The following KCNT2 variants were observed in gnomAD, a reference collection of about 807,000 sequenced individuals.
KCNT2 encodes potassium channel subfamily T member 2.
A neutral mutation model predicts 153.8 loss-of-function variants in KCNT2; 67 were observed. The observed-to-expected ratio is 0.44, with a 90% CI of 0.36 to 0.53. The LOEUF (loss-of-function observed/expected upper bound fraction) is 0.53. Among genes scored for constraint, KCNT2 ranks in the 20% least tolerant of loss-of-function variants. KCNT2 has a pLI of 0.00. For missense variants in KCNT2, 975 were observed against 1,354.8 expected (o/e 0.72, Z 4.40); for synonymous variants, 500 against 458.8 (o/e 1.09, Z -1.15).
chr1:196,526,056 T>TGTGA (rs1414546253), intron 1 of KCNT2, among the ~76,000 whole-genome samples: 2 of 148,912 alleles, frequency 1.3e-5, no homozygotes, highest in Admixed American at 6.7e-5. Context: ...TGTGTGTGTG[T>TGTGA]GAATCAGCAC....
intron 1 of KCNT2, among the ~76,000 whole-genome samples, chr1:196,521,069 A>G (rs1487298912): frequency 1.7e-4 from 26 of 152,012 alleles, no homozygotes; most frequent in African/African-American, 5.3e-4. Flanking sequence ...TCTAATATCT[A>G]TAGGGAATGT....
chr1:196,567,030 T>G (rs1660193296), intron 1 of KCNT2, among the ~76,000 whole-genome samples: 1 of 152,038 alleles, frequency 6.6e-6, no homozygotes, highest in African/African-American at 2.4e-5. Flanking sequence ...CACAAATAAA[T>G]GCAAGAATCA....
intron 12 of KCNT2, among the ~76,000 whole-genome samples, chr1:196,412,300 T>C (rs1395227234): frequency 6.6e-6 from 1 of 151,718 alleles, no homozygotes; most frequent in African/African-American, 2.4e-5. Flanking sequence ...TACTAGTAGA[T>C]AAGCTCCATG....
chr1:196,429,510 T>A, intron 9 of KCNT2, 67 bp downstream of exon 9: 1 of 1,032,194 alleles, frequency 9.7e-7, no homozygotes. Context: ...CCATTTCTTA[T>A]TAAATGTGGA....
rs189706351 is a variant in KCNT2, at chr1:196,384,872, C to T, written c.1295-11624G>A. On this transcript the variant is annotated intron_variant, in intron 13 of 27. Coordinates refer to ENST00000294725, the MANE Select transcript of KCNT2 (RefSeq NM_198503.5). ...GCCACTGGTTATCTTTTAGAAGTCTCGCATAACAACCTAATCTTCATTCCC... is the reference window on the plus strand; with the variant it reads ...GCCACTGGTTATCTTTTAGAAGTCTTGCATAACAACCTAATCTTCATTCCC... Among the ~76,000 whole-genome samples the T allele has an allele frequency of 6.8e-3, 1,034 of 152,152 alleles. 8 individuals carry two copies. The highest frequency in any genetic ancestry group is 0.012 in the Non-Finnish European group (835 of 67,992).
At position 196,350,231 on chromosome 1, in the gene KCNT2, A is replaced by G. The variant is rs1666543877; in HGVS notation, c.1404-8003T>C. Among the ~76,000 whole-genome samples the G allele has an allele frequency of 5.9e-5, 9 of 152,292 alleles. No individual in the cohort carries two copies. In the South Asian group the frequency reaches 1.9e-3, roughly 32 times the overall value. ...CTTTGGGTATATACCCAGTAATGAG[A>G]TGGCTGGGTCAAACGGTATTTCTAG... On this transcript the variant is annotated intron_variant, in intron 14 of 27. Coordinates refer to ENST00000294725, the MANE Select transcript of KCNT2 (RefSeq NM_198503.5).
At chr1:196,421,216 T>C (rs930859726) in intron 12 of KCNT2, among the ~76,000 whole-genome samples, 14 of 152,040 alleles carry the variant, frequency 9.2e-5, no homozygotes, top group Admixed American at 7.9e-4. Context: ...TAAATCTTCT[T>C]ACTCATTTCT....
intron 13 of KCNT2, among the ~76,000 whole-genome samples, chr1:196,381,952 T>C (rs1424355492): frequency 6.6e-6 from 1 of 152,100 alleles, no homozygotes; most frequent in African/African-American, 2.4e-5. Flanking sequence ...GAAGATTTAT[T>C]AGTAGCAAAT....
At chr1:196,390,812 A>G (rs1227730800) in intron 13 of KCNT2, among the ~76,000 whole-genome samples, 1 of 151,034 alleles carries the variant, frequency 6.6e-6, no homozygotes, top group Non-Finnish European at 1.5e-5. Context: ...GATTTGAGGT[A>G]ATGATAGTTT....
chr1:196,492,889 C>T (rs1679963120), intron 1 of KCNT2, among the ~76,000 whole-genome samples: 1 of 152,138 alleles, frequency 6.6e-6, no homozygotes, highest in African/African-American at 2.4e-5. Flanking sequence ...TACCTTCCTA[C>T]TTATGGATCA....
chr1:196,421,663 GT>G (rs1673213931), intron 12 of KCNT2, among the ~76,000 whole-genome samples: 1 of 151,988 alleles, frequency 6.6e-6, no homozygotes. Context: ...TATTTTAAAA[GT>G]TTTCCAATCA....
chr1:196,411,682 T>A (rs1362262867), intron 12 of KCNT2, among the ~76,000 whole-genome samples: 1 of 151,794 alleles, frequency 6.6e-6, no homozygotes, highest in Non-Finnish European at 1.5e-5. Context: ...AAATGGTTCA[T>A]TGTTAGTGCA....
chr1:196,387,240 C>T lies in KCNT2; in HGVS notation c.1294+11323G>A, dbSNP rs189857166. Among the ~76,000 whole-genome samples the T allele has an allele frequency of 5.1e-4, 78 of 152,018 alleles. 1 individual carries two copies. The highest frequency in any genetic ancestry group is 1.8e-3 in the African/African-American group (75 of 41,516). On this transcript the variant is annotated intron_variant, in intron 13 of 27. Transcript: ENST00000294725. ...CCTAATCTTATTTTTGCCTTGCCCC[C>T]ATTTCCTACTATCCTCTATCTTGGT...
intron 1 of KCNT2, among the ~76,000 whole-genome samples, chr1:196,586,721 A>T (rs1426662534): frequency 1.4e-5 from 2 of 143,634 alleles, no homozygotes; most frequent in South Asian, 4.2e-4. Context: ...AGGATTAAAA[A>T]AAACAACAAC....
chr1:196,599,048 A>G (rs1368050337), intron 1 of KCNT2, among the ~76,000 whole-genome samples: 2 of 152,248 alleles, frequency 1.3e-5, no homozygotes, highest in African/African-American at 4.8e-5. Flanking sequence ...TTGCCAATGT[A>G]ATCACCACAT....
intron 20 of KCNT2, 85 bp from the exon 21 acceptor site, chr1:196,316,111 T>A: frequency 7.9e-7 from 1 of 1,259,606 alleles, no homozygotes; most frequent in Non-Finnish European, 1.1e-6. Flanking sequence ...CTATCCCCTG[T>A]GCTTATATAA....
chr1:196,342,431 T>TATAC (rs1375577118), intron 14 of KCNT2, among the ~76,000 whole-genome samples: 2 of 133,888 alleles, frequency 1.5e-5, no homozygotes, highest in African/African-American at 2.9e-5. Flanking sequence ...TATATATATA[T>TATAC]ATATATATAT....
At chr1:196,291,572 T>C (rs912364811) in intron 22 of KCNT2, among the ~76,000 whole-genome samples, 12 of 152,134 alleles carry the variant, frequency 7.9e-5, no homozygotes, top group African/African-American at 2.9e-4. Flanking sequence ...ACTTAGTATT[T>C]CCTATCCAGT....
chr1:196,573,111 C>T (rs1660959871), intron 1 of KCNT2, among the ~76,000 whole-genome samples: 1 of 152,054 alleles, frequency 6.6e-6, no homozygotes, highest in Non-Finnish European at 1.5e-5. Flanking sequence ...ATCTGCTTAT[C>T]CTTCACAGAA....
Sources: gnomAD v4.1 joint callset for allele counts (sites outside exome capture counted in the v4.1 genomes callset) on GRCh38, gnomAD v4.1.1 for gene constraint, MANE v1.5 for transcripts, NCBI Gene and HGNC (gene_info 2026-07-23, HGNC 2026-07-21) for gene names.